The following SOX6 variants were observed in gnomAD, a reference collection of about 807,000 sequenced individuals.
The protein encoded by SOX6 is transcription factor SOX-6.
A neutral mutation model predicts 97.8 loss-of-function variants in SOX6; 11 were observed. That is an observed-to-expected ratio of 0.11 (90% confidence interval 0.07 to 0.19). The LOEUF (loss-of-function observed/expected upper bound fraction) is 0.19, where lower values mean the gene tolerates loss of function less well. Among genes scored for constraint, SOX6 ranks in the 10% least tolerant of loss-of-function variants. The pLI, the probability that SOX6 is intolerant of heterozygous loss-of-function variation, is 1.00. For missense variants in SOX6, 810 were observed against 1,039.5 expected (o/e 0.78, Z 3.04); for synonymous variants, 360 against 371.4 (o/e 0.97, Z 0.35).
At chr11:16,500,011 A>G (rs1431458362) in intron 4 of SOX6, among the ~76,000 whole-genome samples, 1 of 152,240 alleles carries the variant, frequency 6.6e-6, no homozygotes, top group Non-Finnish European at 1.5e-5. Flanking sequence ...CAACAAAAAA[A>G]GAGAATTTTA....
chr11:16,063,706 C>T (rs1848024073), intron 9 of SOX6, among the ~76,000 whole-genome samples: 1 of 149,268 alleles, frequency 6.7e-6, no homozygotes, highest in Non-Finnish European at 1.5e-5. Flanking sequence ...TTCATTAATG[C>T]ATTAATTCAA....
At chr11:16,270,802 C>G (rs894813482) in intron 3 of SOX6, among the ~76,000 whole-genome samples, 2 of 151,254 alleles carry the variant, frequency 1.3e-5, no homozygotes, top group East Asian at 3.9e-4. Flanking sequence ...TCTACCTAGT[C>G]ATATCTAGAA....
chr11:16,042,485 C>T (rs1855697648), intron 12 of SOX6, among the ~76,000 whole-genome samples: 1 of 152,048 alleles, frequency 6.6e-6, no homozygotes, highest in South Asian at 2.1e-4. Context: ...TTTGAGATTG[C>T]CAATGTAAAA....
chr11:16,396,122 T>C (rs1170144201), intron 1 of SOX6, among the ~76,000 whole-genome samples: 1 of 151,702 alleles, frequency 6.6e-6, no homozygotes, highest in African/African-American at 2.4e-5. Flanking sequence ...TGTTAGGGGT[T>C]CTTTAATTAG....
chr11:16,401,040 A>G (rs1339536342), intron 1 of SOX6, among the ~76,000 whole-genome samples: 1 of 151,460 alleles, frequency 6.6e-6, no homozygotes, highest in Non-Finnish European at 1.5e-5. Flanking sequence ...TATTCTGCCA[A>G]ATGTGTATTG....
chr11:16,235,472 G>A (rs1164698897), intron 3 of SOX6, among the ~76,000 whole-genome samples: 1 of 151,920 alleles, frequency 6.6e-6, no homozygotes, highest in African/African-American at 2.4e-5. Flanking sequence ...ATTTGCAACT[G>A]GTGCTACTGC....
At chr11:16,646,284 T>C (rs1849012233) in intron 3 of SOX6, 1 of 152,222 alleles carries the variant, frequency 6.6e-6, no homozygotes. Context: ...TCTAAGTCAA[T>C]GGCGAAGAGA....
chr11:16,362,891 G>T (rs903819546), intron 1 of SOX6, among the ~76,000 whole-genome samples: 11 of 152,224 alleles, frequency 7.2e-5, no homozygotes, highest in African/African-American at 1.9e-4. Flanking sequence ...TGTGAAAATG[G>T]CCACACAGGA....
At chr11:16,502,842 T>G (rs1219660476) in intron 4 of SOX6, among the ~76,000 whole-genome samples, 1 of 152,120 alleles carries the variant, frequency 6.6e-6, no homozygotes, top group African/African-American at 2.4e-5. Context: ...AGCAAGAGAA[T>G]TAGACATCCA....
intron 12 of SOX6, among the ~76,000 whole-genome samples, chr11:16,024,489 T>C (rs541019041): frequency 3.3e-5 from 5 of 150,954 alleles, no homozygotes; most frequent in Non-Finnish European, 7.4e-5. Flanking sequence ...AGCAGTTCTA[T>C]CTGTTGACAG....
intron 1 of SOX6, among the ~76,000 whole-genome samples, chr11:16,426,870 C>T (rs533188912): frequency 7.2e-6 from 1 of 139,124 alleles, no homozygotes; most frequent in South Asian, 2.4e-4. Context: ...GCCGAGATCC[C>T]GCCACTGCAC....
In SOX6 at chr11:15,971,303, T is replaced by G. The variant is rs1853301834; in HGVS notation, c.*1506A>C. 6.5e-6 allele frequency: 1 copy of G among 152,830 alleles called. No homozygotes were observed. Among genetic ancestry groups the G allele is most frequent in the South Asian group, 2.1e-4 (1 of 4,826 alleles). 9.5% of individuals were successfully genotyped at this position (152,830 alleles called of 1,614,324 possible). A position where few individuals can be genotyped will look rare whatever the true frequency, so the allele number is the denominator to read the frequency against. On this transcript the variant is annotated 3_prime_UTR_variant, in exon 16 of 16. Coordinates refer to ENST00000683767, the MANE Select transcript of SOX6 (RefSeq NM_001367873.1). ...GTGGCTTTTTGCATCCTGGGGATTTTGCAATGAACTCCCTAGATGTGCCAG... is the reference window on the plus strand; with the variant it reads ...GTGGCTTTTTGCATCCTGGGGATTTGGCAATGAACTCCCTAGATGTGCCAG...
Position 15,969,912 on chromosome 11 carries a change from C to T in SOX6, c.*2897G>A, listed in dbSNP as rs900714178. ...TTACTGTTTGATCCAATGAAAAAGA[C>T]GTTTACAATCAGATCATTCCTGAAT... On this transcript the variant is annotated 3_prime_UTR_variant, in exon 16 of 16. Transcript: ENST00000683767. 2 of 152,148 alleles carry T rather than the reference C, an allele frequency of 1.3e-5. No homozygotes were observed. Among genetic ancestry groups the T allele is most frequent in the African/African-American group, 2.4e-5 (1 of 41,436 alleles). 9.4% of individuals were successfully genotyped at this position (152,148 alleles called of 1,614,324 possible). A position where few individuals can be genotyped will look rare whatever the true frequency, so the allele number is the denominator to read the frequency against.
At position 16,706,819 on chromosome 11, in the gene SOX6, T is replaced by C. The variant is rs868749928; in HGVS notation, n.429+8011A>G. 2.0e-4 allele frequency among the ~76,000 whole-genome samples: 30 copies of C among 152,132 alleles called. No individual in the cohort carries two copies. The South Asian group carries it at 2.1e-3, about 11-fold the overall frequency. ...ATACCATTAGAAAACCATTTTTTTT[T>C]CTGCTATATCTGGATGGCCCTAATA... On this transcript the variant is annotated intron_variant and non_coding_transcript_variant, in intron 3 of 5. Coordinates refer to the SOX6 transcript ENST00000524520.
chr11:16,138,114 A>T (rs895117661), intron 6 of SOX6, among the ~76,000 whole-genome samples: 2 of 152,196 alleles, frequency 1.3e-5, no homozygotes, highest in Non-Finnish European at 2.9e-5. Context: ...TAAACCAGGA[A>T]TTTTTAAAAT....
chr11:16,724,699 T>G (rs1181230266), intron 2 of SOX6, among the ~76,000 whole-genome samples: 3 of 152,222 alleles, frequency 2.0e-5, no homozygotes, highest in Admixed American at 2.0e-4. Flanking sequence ...TAATAAGATT[T>G]TATCTCTTCC....
At chr11:16,565,811 C>T (rs1035929453) in intron 4 of SOX6, among the ~76,000 whole-genome samples, 5 of 149,954 alleles carry the variant, frequency 3.3e-5, no homozygotes, top group African/African-American at 1.2e-4. Context: ...AAATAGACCA[C>T]ATAGGCCGGG....
intron 13 of SOX6, among the ~76,000 whole-genome samples, chr11:16,001,150 C>A (rs1398007383): frequency 2.6e-5 from 4 of 152,108 alleles, no homozygotes; most frequent in Admixed American, 6.6e-5. Flanking sequence ...CAGACGTGAG[C>A]CACTGCTCTC....
chr11:16,680,636 A>G (rs550019168), intron 3 of SOX6, among the ~76,000 whole-genome samples: 61 of 152,360 alleles, frequency 4.0e-4, no homozygotes, highest in African/African-American at 1.4e-3. Flanking sequence ...AATGAGCTAA[A>G]TGCCCCAAAT....
Sources: gnomAD v4.1 joint callset for allele counts (sites outside exome capture counted in the v4.1 genomes callset) on GRCh38, gnomAD v4.1.1 for gene constraint, MANE v1.5 for transcripts, NCBI Gene and HGNC (gene_info 2026-07-23, HGNC 2026-07-21) for gene names.